Variants in ATP1A1 observed in about 807,000 individuals in gnomAD.
The protein encoded by ATP1A1 is ATPase Na+/K+ transporting subunit alpha 1.
Under a neutral mutation model 114.8 loss-of-function variants are expected in ATP1A1, and 14 were observed. The observed-to-expected ratio is 0.12, with a 90% CI of 0.08 to 0.19. The LOEUF is 0.19. Among genes scored for constraint, ATP1A1 ranks in the 10% least tolerant of loss-of-function variants. ATP1A1 has a pLI of 1.00. For missense variants in ATP1A1, 524 were observed against 1,290.7 expected (o/e 0.41, Z 9.10); for synonymous variants, 471 against 466.3 (o/e 1.01, Z -0.13).
At position 116,389,862 on chromosome 1, in the gene ATP1A1, A is replaced by G. The variant is rs1278975432; in HGVS notation, c.1023+155A>G. ...GCCACATCACGTGGTGAATTTTGAC[A>G]GTGAGAAAACCTCAGCATTTGTTTA... On this transcript the variant is annotated intron_variant, in intron 8 of 22. Transcript: ENST00000295598. This position sits in a 1 kb window ranked among gnomAD's most constrained non-coding sequence, Gnocchi z 6.9. 1.7e-6 allele frequency: 2 copies of G among 1,170,598 alleles called. No individual in the cohort carries two copies. The highest frequency in any genetic ancestry group is 1.2e-6 in the Non-Finnish European group (1 of 851,988). The allele number at this position is 1,170,598 out of a possible 1,614,324, so 72.5% of individuals were successfully genotyped here. A position where few individuals can be genotyped will look rare whatever the true frequency, so the allele number is the denominator to read the frequency against.
intron 1 of ATP1A1, chr1:116,383,260 C>CT (rs1651863292): frequency 1.4e-6 from 1 of 709,128 alleles, no homozygotes; most frequent in Non-Finnish European, 1.8e-6. Flanking sequence ...TGGGCGCTCC[C>CT]TTTTTTATCT....
At position 116,381,100 on chromosome 1, in the gene ATP1A1, G is replaced by A. The variant is rs1231640261; in HGVS notation, c.13-2914G>A. On this transcript the variant is annotated intron_variant, in intron 1 of 22. Coordinates refer to ENST00000295598, the MANE Select transcript of ATP1A1 (RefSeq NM_000701.8). This position sits in a 1 kb window ranked among gnomAD's most constrained non-coding sequence, Gnocchi z 5.1. ...TAATCACTCCCAGTCCTCTGGGAGG[G>A]GGGAAGTGACCTGAACTTTCTAATT... Among the ~76,000 whole-genome samples, 1 of 152,194 alleles carries A rather than the reference G, an allele frequency of 6.6e-6. No homozygotes were observed. Among genetic ancestry groups the A allele is most frequent in the East Asian group, 1.9e-4 (1 of 5,200 alleles).
chr1:116,385,575 T>G lies in ATP1A1; in HGVS notation c.183+733T>G, dbSNP rs1021022105. 3 of 152,362 alleles carry G rather than the reference T, an allele frequency of 2.0e-5. No homozygotes were observed. The highest frequency in any genetic ancestry group is 7.2e-5 in the African/African-American group (3 of 41,460). 9.4% of individuals were successfully genotyped at this position (152,362 alleles called of 1,614,324 possible). On this transcript the variant is annotated intron_variant, in intron 3 of 22. Transcript: ENST00000295598. The surrounding 1 kb of genome is among the most constrained non-coding windows in gnomAD (Gnocchi z 4.3). ...GTTTTTGTCCACAGTTCCTGGTTCA[T>G]AACTCCCATAGCCCTTATTACAGTC...
chr1:116,390,430 C>T lies in ATP1A1; in HGVS notation c.1222+19C>T, dbSNP rs140041891. The T allele has an allele frequency of 1.2e-3, 1,961 of 1,608,008 alleles. 7 individuals carry two copies. The highest frequency in any genetic ancestry group is 1.6e-3 in the Non-Finnish European group (1,872 of 1,175,332). On this transcript the variant is annotated intron_variant, in intron 9 of 22. Transcript: ENST00000295598. ...CAGAGTGGTAAGGCCAGGGTTACCA[C>T]ACACCTCAGCCACCTGCTGACTTCG... is the stretch of plus-strand genomic sequence containing the variant.
chr1:116,398,332 C>T lies in ATP1A1; in HGVS notation c.2125-289C>T, dbSNP rs1653108173. 6.6e-6 allele frequency among the ~76,000 whole-genome samples: 1 copy of T among 152,150 alleles called. No homozygotes were observed. The highest frequency in any genetic ancestry group is 1.5e-5 in the Non-Finnish European group (1 of 68,032). On this transcript the variant is annotated intron_variant, in intron 15 of 22. Transcript: ENST00000295598. The surrounding 1 kb of genome is among the most constrained non-coding windows in gnomAD (Gnocchi z 6.1). ...AATAGAGATGTGAGTGGTCAGACTACAGGGCGTGCATACAGGAATGGCATT... is the reference window on the plus strand; with the variant it reads ...AATAGAGATGTGAGTGGTCAGACTATAGGGCGTGCATACAGGAATGGCATT...
intron 1 of ATP1A1, chr1:116,374,019 G>T (rs1404479321): frequency 3.9e-6 from 5 of 1,282,880 alleles, no homozygotes; most frequent in African/African-American, 3.6e-5. Flanking sequence ...CGCTCCGCCG[G>T]GGCCTCCTCC....
chr1:116,374,662 A>G (rs1651237259), intron 1 of ATP1A1, among the ~76,000 whole-genome samples: 1 of 152,236 alleles, frequency 6.6e-6, no homozygotes, highest in Admixed American at 6.5e-5. Flanking sequence ...TCTAGTTGAG[A>G]AAAATTTACA....
chr1:116,373,401 T>C lies in ATP1A1; in HGVS notation c.-111T>C. The C allele has an allele frequency of 3.8e-6, 2 of 521,676 alleles. No homozygotes were observed. The allele number at this position is 521,676 out of a possible 1,614,324, so 32.3% of individuals were successfully genotyped here. On this transcript the variant is annotated 5_prime_UTR_variant, in exon 1 of 23. Transcript: ENST00000295598. ...CCTCCCGCCCCGCGGCAGCCCTAGC[T>C]CCCTCCACTTGGCTCCCCTGGTCCC... is the stretch of plus-strand genomic sequence containing the variant.
Position 116,399,057 on chromosome 1 carries a change from C to T in ATP1A1, c.2421C>T (p.Ile807=). The change falls in exon 17 of 23, where the codon ATC becomes ATT. Residue 807 remains isoleucine (I), a synonymous_variant. Transcript: ENST00000295598. The surrounding 1 kb of genome is among the most constrained non-coding windows in gnomAD (Gnocchi z 5.0). ...CACTACCACTGGGGACTGTCACCAT[C>T]CTCTGCATTGACTTGGGCACTGACA... is the stretch of plus-strand genomic sequence containing the variant. The part of the protein sequence containing the change: ...NIPLPLGTVT[I]LCIDLGTDMV... 1 of 1,614,178 alleles carries T rather than the reference C, an allele frequency of 6.2e-7. No individual in the cohort carries two copies. Among genetic ancestry groups the T allele is most frequent in the South Asian group, 1.1e-5 (1 of 91,080 alleles).
rs769191909 is a variant in ATP1A1 at position 116,384,026 on chromosome 1, A to C, written c.25A>C (p.Lys9Gln). The change falls in exon 2 of 23, where the codon AAG becomes CAG. Residue 9 changes from lysine to glutamine, a missense_variant. Physicochemically the swap from Lys to Gln is moderately conservative, Grantham distance 53. Transcript: ENST00000295598. This position sits in a 1 kb window ranked among gnomAD's most constrained non-coding sequence, Gnocchi z 5.1. ...CATTCTCCTACAGGTTGGACGTGAT[A>C]AGTATGAGCCTGCAGCTGTTTCAGA... MGKGVGRD[K>Q]YEPAAVSEQG... 2.5e-6 allele frequency: 4 copies of C among 1,614,040 alleles called. No homozygotes were observed. The highest frequency in any genetic ancestry group is 3.4e-6 in the Non-Finnish European group (4 of 1,179,938).
chr1:116,380,114 T>G (rs1466445689), intron 1 of ATP1A1, among the ~76,000 whole-genome samples: 1 of 152,340 alleles, frequency 6.6e-6, no homozygotes, highest in African/African-American at 2.4e-5. Flanking sequence ...CTAATCAGAC[T>G]ATGAAAATGC....
chr1:116,378,414 T>G (rs1047273755), intron 1 of ATP1A1, among the ~76,000 whole-genome samples: 1 of 152,252 alleles, frequency 6.6e-6, no homozygotes, highest in Middle Eastern at 3.2e-3. Context: ...GTCTCAGTGA[T>G]TTGATAAGTT....
In ATP1A1 at chr1:116,384,851, T is replaced by C. The variant is rs1395374679; in HGVS notation, c.183+9T>C. Reference sequence around the variant, plus strand: ...GAACAGACTTGAGCCGGGTATGTTCTAGTTTGAAAGCTGTTGTACAAAATC... The same window carrying C: ...GAACAGACTTGAGCCGGGTATGTTCCAGTTTGAAAGCTGTTGTACAAAATC... On this transcript the variant is annotated intron_variant, in intron 3 of 22. Coordinates refer to ENST00000295598, the MANE Select transcript of ATP1A1 (RefSeq NM_000701.8). This position sits in a 1 kb window ranked among gnomAD's most constrained non-coding sequence, Gnocchi z 5.1. 6.2e-7 allele frequency: 1 copy of C among 1,613,500 alleles called. No individual in the cohort carries two copies. Among genetic ancestry groups the C allele is most frequent in the Admixed American group, 1.7e-5 (1 of 60,010 alleles).
intron 1 of ATP1A1, chr1:116,373,734 G>T: frequency 1.8e-6 from 2 of 1,111,590 alleles, no homozygotes; most frequent in South Asian, 4.8e-5. Context: ...GAGCGCCGAG[G>T]GGCTGGAGCG....
intron 10 of ATP1A1, chr1:116,392,535 GATAGAA>G (rs967616015): frequency 1.0e-4 from 22 of 212,190 alleles, no homozygotes; most frequent in African/African-American, 5.0e-4. Flanking sequence ...GCCAGGGGAA[GATAGAA>G]ATAGACTGCA....
In ATP1A1 at chr1:116,389,444, G is replaced by A. The variant is rs1263162539; in HGVS notation, c.760G>A (p.Ala254Thr). The change falls in exon 8 of 23, where the codon GCA becomes ACA. Residue 254 changes from alanine to threonine, a missense_variant. This residue lies in a region of ATP1A1 where 141 missense variants were observed against 316.6 expected (regional missense o/e 0.45). Coordinates refer to ENST00000295598, the MANE Select transcript of ATP1A1 (RefSeq NM_000701.8). The surrounding 1 kb of genome is among the most constrained non-coding windows in gnomAD (Gnocchi z 6.9). ...TCCCTCCCCTTCTTTTTAAGGCACC[G>A]CACGTGGTATTGTTGTCTACACTGG... ...FFSTNCVEGT[A>T]RGIVVYTGDR... 1.2e-6 allele frequency: 2 copies of A among 1,613,986 alleles called. No homozygotes were observed. Among genetic ancestry groups the A allele is most frequent in the Non-Finnish European group, 1.7e-6 (2 of 1,179,888 alleles).
chr1:116,386,467 C>T (rs1245642167), intron 3 of ATP1A1, among the ~76,000 whole-genome samples: 1 of 152,150 alleles, frequency 6.6e-6, no homozygotes, highest in Non-Finnish European at 1.5e-5. Context: ...GAATTCAGTT[C>T]CTGGCATGTA....
Position 116,387,175 on chromosome 1 carries a change from G to A in ATP1A1, c.184-113G>A. On this transcript the variant is annotated intron_variant, in intron 3 of 22. Transcript: ENST00000295598. This position sits in a 1 kb window ranked among gnomAD's most constrained non-coding sequence, Gnocchi z 6.7. Reference sequence around the variant, plus strand: ...GGTTTTACCTTGGCTCTCTAGCTTGGGACATTTTGTTTCTTCCTTAAATCC... The same window carrying A: ...GGTTTTACCTTGGCTCTCTAGCTTGAGACATTTTGTTTCTTCCTTAAATCC... 2.4e-6 allele frequency: 3 copies of A among 1,257,698 alleles called. No homozygotes were observed. Among genetic ancestry groups the A allele is most frequent in the South Asian group, 2.8e-5 (2 of 71,478 alleles). The allele number at this position is 1,257,698 out of a possible 1,614,324, so 77.9% of individuals were successfully genotyped here.
intron 1 of ATP1A1, among the ~76,000 whole-genome samples, chr1:116,382,173 CA>C (rs201320175): frequency 6.6e-6 from 1 of 151,580 alleles, no homozygotes; most frequent in East Asian, 1.9e-4. Flanking sequence ...ACTCCATCCC[CA>C]AAAAAAAGAA....
Sources: gnomAD v4.1 joint callset for allele counts (sites outside exome capture counted in the v4.1 genomes callset) on GRCh38, gnomAD v4.1.1 for gene constraint, gnomAD v4.1.1 regional missense constraint, Gnocchi (gnomAD v3.1) non-coding constraint, MANE v1.5 for transcripts, NCBI Gene and HGNC (gene_info 2026-07-23, HGNC 2026-07-21) for gene names.